The following SLC4A4 variants were observed in gnomAD, a reference collection of about 807,000 sequenced individuals.
SLC4A4 encodes the protein electrogenic sodium bicarbonate cotransporter 1.
A neutral mutation model predicts 111.5 loss-of-function variants in SLC4A4; 27 were observed. The ratio of observed to expected loss-of-function variants is 0.24; its 90% CI spans 0.18 to 0.33. The LOEUF is 0.33. Among genes scored for constraint, SLC4A4 ranks in the 10% least tolerant of loss-of-function variants. The pLI, the probability that SLC4A4 is intolerant of heterozygous loss-of-function variation, is 1.00. For missense variants in SLC4A4, 909 were observed against 1,315.5 expected (o/e 0.69, Z 4.78); for synonymous variants, 443 against 463.4 (o/e 0.96, Z 0.57).
chr4:71,149,664 A>G (rs1406439182), intron 2 of SLC4A4, among the ~76,000 whole-genome samples: 1 of 152,194 alleles, frequency 6.6e-6, no homozygotes, highest in African/African-American at 2.4e-5. Flanking sequence ...TGTGCTCCAA[A>G]TATGAATGGG....
At chr4:71,188,755 C>T (rs868632119) in intron 1 of SLC4A4, among the ~76,000 whole-genome samples, 3 of 152,004 alleles carry the variant, frequency 2.0e-5, no homozygotes, top group Admixed American at 2.0e-4. Flanking sequence ...TTTCTGACTA[C>T]AGCTCTCTTT....
chr4:71,536,486 A>ATATATATATATATATATATATATG (rs199681803), intron 18 of SLC4A4, among the ~76,000 whole-genome samples: 4 of 68,046 alleles, frequency 5.9e-5, no homozygotes. Context: ...ATATATATAT[A>ATATATATATATATATATATATATG]TGTATATATT....
At chr4:71,390,331 TG>T (rs1427980335) in intron 6 of SLC4A4, among the ~76,000 whole-genome samples, 7 of 152,198 alleles carry the variant, frequency 4.6e-5, no homozygotes, top group Non-Finnish European at 7.4e-5. Flanking sequence ...ACTTGAAATA[TG>T]GAAAACTAAC....
intron 3 of SLC4A4, among the ~76,000 whole-genome samples, chr4:71,301,636 A>G (rs1395181165): frequency 6.6e-6 from 1 of 152,210 alleles, no homozygotes; most frequent in East Asian, 1.9e-4. Context: ...GTGACTGCAA[A>G]TAGTCAGTCT....
At chr4:71,143,250 C>T (rs950385604) in intron 2 of SLC4A4, among the ~76,000 whole-genome samples, 2 of 152,102 alleles carry the variant, frequency 1.3e-5, no homozygotes, top group Non-Finnish European at 2.9e-5. Context: ...TTTCCAGCTT[C>T]ATCCATGTCC....
chr4:71,423,664 C>T (rs1265601759), intron 7 of SLC4A4, among the ~76,000 whole-genome samples: 1 of 152,138 alleles, frequency 6.6e-6, no homozygotes, highest in Admixed American at 6.5e-5. Context: ...TGGAACAGAA[C>T]AGAGCCCTCA....
At chr4:71,420,642 A>G (rs1369107967) in intron 7 of SLC4A4, among the ~76,000 whole-genome samples, 19 of 152,350 alleles carry the variant, frequency 1.2e-4, no homozygotes, top group African/African-American at 4.6e-4. Context: ...ATCTCTCATC[A>G]GAAACCCTAC....
chr4:71,358,405 G>C (rs1439684108), intron 6 of SLC4A4, among the ~76,000 whole-genome samples: 1 of 151,870 alleles, frequency 6.6e-6, no homozygotes, highest in South Asian at 2.1e-4. Context: ...ACATAAAACC[G>C]GTTGTCATGG....
At chr4:71,465,351 T>C (rs1214067229) in intron 12 of SLC4A4, among the ~76,000 whole-genome samples, 2 of 151,878 alleles carry the variant, frequency 1.3e-5, no homozygotes, top group African/African-American at 2.4e-5. Context: ...TTCAGATTTA[T>C]AGCTTCATGT....
chr4:71,202,092 C>T (rs1482150207), intron 1 of SLC4A4, among the ~76,000 whole-genome samples: 1 of 152,174 alleles, frequency 6.6e-6, no homozygotes, highest in Non-Finnish European at 1.5e-5. Flanking sequence ...CTTCAACTAT[C>T]CCATCACTGT....
At chr4:71,249,343 TA>T (rs1237160167) in intron 2 of SLC4A4, among the ~76,000 whole-genome samples, 4 of 152,132 alleles carry the variant, frequency 2.6e-5, no homozygotes, top group East Asian at 1.9e-4. Context: ...ATTTTTTATG[TA>T]AAAAAATTGC....
intron 2 of SLC4A4, among the ~76,000 whole-genome samples, chr4:71,119,845 A>G (rs1299683738): frequency 6.6e-6 from 1 of 152,120 alleles, no homozygotes; most frequent in Non-Finnish European, 1.5e-5. Flanking sequence ...CTGTCTTTAT[A>G]TTGTGCATTT....
chr4:71,543,780 G>T (rs1298289333), intron 18 of SLC4A4, among the ~76,000 whole-genome samples: 1 of 151,942 alleles, frequency 6.6e-6, no homozygotes, highest in African/African-American at 2.4e-5. Flanking sequence ...CTTCTAATAT[G>T]GACTTCAGTG....
intron 2 of SLC4A4, among the ~76,000 whole-genome samples, chr4:71,252,230 CT>C (rs1560815733): frequency 1.3e-5 from 2 of 152,144 alleles, no homozygotes; most frequent in Non-Finnish European, 1.5e-5. Context: ...TCCATTACAG[CT>C]CATTTTACTT....
At chr4:71,227,752 C>T (rs1719146629) in intron 1 of SLC4A4, among the ~76,000 whole-genome samples, 1 of 152,140 alleles carries the variant, frequency 6.6e-6, no homozygotes, top group Admixed American at 6.5e-5. Flanking sequence ...GGAGCCCAGC[C>T]ATTTCATCTT....
At chr4:71,277,008 C>A (rs942505035) in intron 3 of SLC4A4, among the ~76,000 whole-genome samples, 7 of 152,148 alleles carry the variant, frequency 4.6e-5, no homozygotes, top group Admixed American at 3.3e-4. Context: ...TGTGCCACTG[C>A]ACTCCAGCCT....
chr4:71,455,375 T>C (rs1726143430), intron 12 of SLC4A4, among the ~76,000 whole-genome samples: 2 of 152,128 alleles, frequency 1.3e-5, no homozygotes, highest in African/African-American at 4.8e-5. Context: ...ACTGAATACA[T>C]TAAATTGTAG....
At chr4:71,172,258 T>TC in intron 2 of SLC4A4, among the ~76,000 whole-genome samples, 2 of 151,792 alleles carry the variant, frequency 1.3e-5, no homozygotes, top group East Asian at 3.9e-4. Context: ...TCTTTTTCTT[T>TC]CTTTTTTTTT....
At chr4:71,560,645 C>T (rs1736896520) in intron 23 of SLC4A4, among the ~76,000 whole-genome samples, 1 of 151,620 alleles carries the variant, frequency 6.6e-6, no homozygotes, top group African/African-American at 2.4e-5. Context: ...AATTTTAAGC[C>T]TAATGTGGAT....
Sources: allele counts gnomAD v4.1 joint callset (sites outside exome capture counted in the v4.1 genomes callset), GRCh38; gene constraint gnomAD v4.1.1; transcripts MANE v1.5; gene names NCBI Gene and HGNC (gene_info 2026-07-23, HGNC 2026-07-21).